SEMA3A: variants seen among roughly 807,000 people sequenced by gnomAD.
SEMA3A encodes the protein semaphorin-3A.
Under a neutral mutation model 97.9 loss-of-function variants are expected in SEMA3A, and 29 were observed. The ratio of observed to expected loss-of-function variants is 0.30; its 90% CI spans 0.22 to 0.40. The LOEUF (loss-of-function observed/expected upper bound fraction) is 0.40. Ranked by LOEUF, SEMA3A falls within the 10% of genes least tolerant of loss-of-function variation. The pLI is 1.00. For missense variants in SEMA3A, 763 were observed against 951.3 expected (o/e 0.80, Z 2.60); for synonymous variants, 321 against 323.7 (o/e 0.99, Z 0.09).
chr7:84,194,450 CAAATA>C lies in SEMA3A; in HGVS notation c.112+20_112+24del. 6.7e-7 allele frequency: 1 copy of C among 1,503,346 alleles called. No individual in the cohort carries two copies. The highest frequency in any genetic ancestry group is 1.1e-5 in the South Asian group (1 of 88,514). 93.1% of individuals were successfully genotyped at this position (1,503,346 alleles called of 1,614,324 possible). A position where few individuals can be genotyped will look rare whatever the true frequency, so the allele number is the denominator to read the frequency against. On this transcript the variant is annotated intron_variant, in intron 1 of 16. Coordinates refer to ENST00000265362, the MANE Select transcript of SEMA3A (RefSeq NM_006080.3). The stretch of plus-strand genomic sequence containing the variant: ...GGGGGGCGGTTATTACAAAGCTAAC[CAAATA>C]AAAGAAAAATAAGATTTACCTTTGT...
At chr7:84,281,741 G>A (rs1464506285) in intron 3 of SEMA3A, among the ~76,000 whole-genome samples, 5 of 152,102 alleles carry the variant, frequency 3.3e-5, no homozygotes, top group Admixed American at 1.3e-4. Context: ...GCAATCTTGA[G>A]TGTTTTACTT....
intron 2 of SEMA3A, among the ~76,000 whole-genome samples, chr7:84,329,910 T>C (rs1295502162): frequency 6.6e-6 from 1 of 152,054 alleles, no homozygotes; most frequent in Non-Finnish European, 1.5e-5. Flanking sequence ...TTTATGGTAT[T>C]ATTTTTCTGG....
chr7:84,194,577 A>T lies in SEMA3A; in HGVS notation c.10T>A (p.Leu4Ile). The change falls in exon 1 of 17, where the codon TTA becomes ATA. Residue 4 changes from leucine to isoleucine, a missense_variant. Leu to Ile is a conservative substitution (Grantham distance 5). Around this residue, in one of 2 missense-constraint regions of SEMA3A, gnomAD observed 85 missense variants for 70.0 expected, o/e 1.21. Transcript: ENST00000265362. Reference sequence around the variant, plus strand: ...CAGAAAAGACAGACAATCCTAGTTAACCAGCCCATGCTGCAGACGCTGTAG... The same window carrying T: ...CAGAAAAGACAGACAATCCTAGTTATCCAGCCCATGCTGCAGACGCTGTAG... MGW[L>I]TRIVCLFWGV... 6.2e-7 allele frequency: 1 copy of T among 1,606,626 alleles called. No homozygotes were observed. Among genetic ancestry groups the T allele is most frequent in the Non-Finnish European group, 8.5e-7 (1 of 1,173,234 alleles).
chr7:84,143,979 AC>A (rs1796391276), intron 1 of SEMA3A, among the ~76,000 whole-genome samples: 1 of 149,790 alleles, frequency 6.7e-6, no homozygotes, highest in African/African-American at 2.5e-5. Context: ...ACACACACAC[AC>A]ACACACACAC....
At chr7:84,327,464 C>T (rs776936609) in intron 2 of SEMA3A, among the ~76,000 whole-genome samples, 1 of 151,592 alleles carries the variant, frequency 6.6e-6, no homozygotes, top group East Asian at 1.9e-4. Flanking sequence ...AATAATGAAC[C>T]ATTGATATAT....
chr7:84,129,390 C>G (rs979567536), intron 2 of SEMA3A, among the ~76,000 whole-genome samples: 1 of 152,090 alleles, frequency 6.6e-6, no homozygotes, highest in Non-Finnish European at 1.5e-5. Flanking sequence ...TACCCAATAG[C>G]CTTTGCTATA....
chr7:84,320,251 A>AT (rs1303957772), intron 2 of SEMA3A, among the ~76,000 whole-genome samples: 1 of 152,090 alleles, frequency 6.6e-6, no homozygotes, highest in Non-Finnish European at 1.5e-5. Context: ...TAAGAAAATA[A>AT]TTTTTTGTCT....
chr7:84,266,791 T>C (rs1361578313), intron 3 of SEMA3A, among the ~76,000 whole-genome samples: 3 of 152,106 alleles, frequency 2.0e-5, no homozygotes, highest in African/African-American at 7.2e-5. Flanking sequence ...CAAGAGCTTA[T>C]TGAGAATATT....
intron 3 of SEMA3A, among the ~76,000 whole-genome samples, chr7:84,231,118 A>G (rs1562863318): frequency 6.6e-6 from 1 of 152,026 alleles, no homozygotes. Flanking sequence ...CATAAACAGA[A>G]TTAATCACAC....
chr7:84,130,648 C>A, intron 2 of SEMA3A, among the ~76,000 whole-genome samples: 1 of 152,030 alleles, frequency 6.6e-6, no homozygotes, highest in East Asian at 1.9e-4. Flanking sequence ...TACTGAATTT[C>A]TAGAATGATT....
chr7:84,051,843 G>C (rs1792671103), intron 5 of SEMA3A, among the ~76,000 whole-genome samples: 1 of 151,326 alleles, frequency 6.6e-6, no homozygotes, highest in Non-Finnish European at 1.5e-5. Context: ...TATTGGCTGT[G>C]GGTTTGTCAT....
intron 2 of SEMA3A, among the ~76,000 whole-genome samples, chr7:84,364,064 T>TG (rs1802786360): frequency 2.0e-5 from 3 of 151,136 alleles, no homozygotes; most frequent in Non-Finnish European, 4.4e-5. Flanking sequence ...GTTTTGAAAA[T>TG]ATATCTTCAT....
At chr7:84,178,478 C>T (rs1195931307) in intron 1 of SEMA3A, among the ~76,000 whole-genome samples, 1 of 147,016 alleles carries the variant, frequency 6.8e-6, no homozygotes, top group Non-Finnish European at 1.5e-5. Context: ...TATTATTATC[C>T]CTATCTTACA....
In SEMA3A at chr7:84,337,331, A is replaced by G. The variant is rs1802061719; in HGVS notation, c.-168-30039T>C. 2.0e-5 allele frequency among the ~76,000 whole-genome samples: 3 copies of G among 152,166 alleles called. No individual in the cohort carries two copies. The South Asian group carries it at 6.2e-4, about 31-fold the overall frequency. On this transcript the variant is annotated intron_variant, in intron 2 of 3. Coordinates refer to the SEMA3A transcript ENST00000424555. ...TTTTGTTGATGCATGTGTAATATAT[A>G]CATAAATGCACAAAAAATGCACAGA...
At chr7:84,247,816 A>G (rs1443572470) in intron 3 of SEMA3A, among the ~76,000 whole-genome samples, 1 of 152,150 alleles carries the variant, frequency 6.6e-6, no homozygotes, top group Non-Finnish European at 1.5e-5. Context: ...TGAAAGTATG[A>G]GTCTTAGAAG....
rs568304153 is a variant in SEMA3A, at chr7:84,116,256, T to C, written c.334-5667A>G. ...AATAATTGAAGACCCTAATCAAGTT[T>C]AGTGTTTGTGACATAGACACTGATG... On this transcript the variant is annotated intron_variant, in intron 3 of 16. Coordinates refer to ENST00000265362, the MANE Select transcript of SEMA3A (RefSeq NM_006080.3). 2.2e-3 allele frequency among the ~76,000 whole-genome samples: 342 copies of C among 152,290 alleles called. 1 individual carries two copies. The highest frequency in any genetic ancestry group is 4.6e-3 in the South Asian group (22 of 4,830).
intron 3 of SEMA3A, among the ~76,000 whole-genome samples, chr7:84,237,728 G>C (rs1799268148): frequency 6.6e-6 from 1 of 152,034 alleles, no homozygotes; most frequent in South Asian, 2.1e-4. Context: ...AATCTGAGCT[G>C]AGTTTCAATC....
intron 15 of SEMA3A, among the ~76,000 whole-genome samples, chr7:83,973,646 CATTTT>C (rs1789008348): frequency 6.6e-6 from 1 of 152,042 alleles, no homozygotes; most frequent in African/African-American, 2.4e-5. Flanking sequence ...TTGTCAAAGA[CATTTT>C]ATAAAATTTT....
At chr7:84,297,232 C>CT (rs1800895180) in intron 3 of SEMA3A, among the ~76,000 whole-genome samples, 1 of 152,126 alleles carries the variant, frequency 6.6e-6, no homozygotes, top group Non-Finnish European at 1.5e-5. Context: ...CGGCCTTGGC[C>CT]TCCCAAAGTT....
Sources: allele counts gnomAD v4.1 joint callset (sites outside exome capture counted in the v4.1 genomes callset), GRCh38; gene constraint gnomAD v4.1.1; regional missense constraint gnomAD v4.1.1; transcripts MANE v1.5; gene names NCBI Gene and HGNC (gene_info 2026-07-23, HGNC 2026-07-21).